Variants in DMD observed in about 807,000 individuals in gnomAD.
DMD encodes the protein dystrophin.
A neutral mutation model predicts 330.1 loss-of-function variants in DMD; 63 were observed. The ratio of observed to expected loss-of-function variants is 0.19; its 90% CI spans 0.16 to 0.24. DMD has a LOEUF of 0.24. DMD is among the 10% of genes least tolerant of loss of function. The probability of loss-of-function intolerance (pLI) is 1.00; values close to 1 mark genes in which losing one functional copy is unlikely to be tolerated. For synonymous variants in DMD, 1,223 were observed against 959.8 expected (o/e 1.27, Z -5.07); for missense variants, 3,344 against 2,684.1 (o/e 1.25, Z -5.43).
chrX:31,809,706 T>A (rs1603474726), intron 50 of DMD, among the ~76,000 whole-genome samples: 1 of 111,194 alleles, frequency 9.0e-6, no homozygotes, highest in South Asian at 3.8e-4. Context: ...CAAGACACAG[T>A]CAAGAATGAG....
chrX:31,125,687 C>A (rs957933940), intron 78 of DMD, among the ~76,000 whole-genome samples: 1 of 111,811 alleles, frequency 8.9e-6, no homozygotes, highest in Non-Finnish European at 1.9e-5. Context: ...ATTCGATATT[C>A]AGACAATATT....
chrX:33,275,373 C>T lies in DMD; in HGVS notation c.7+63886G>A, dbSNP rs777112808. Reference sequence around the variant, plus strand: ...GAACTTTAAGCCCTTTTAACTTTGGCTTTTCTCATCTGAAAAATGGGCAGA... The same window carrying T: ...GAACTTTAAGCCCTTTTAACTTTGGTTTTTCTCATCTGAAAAATGGGCAGA... On this transcript the variant is annotated intron_variant, in intron 1 of 17. Coordinates refer to the DMD transcript ENST00000288447. Among the ~76,000 whole-genome samples, 9 of 111,484 alleles carry T rather than the reference C, an allele frequency of 8.1e-5. No homozygotes were observed. In the South Asian group the frequency reaches 3.4e-3, roughly 42 times the overall value.
intron 7 of DMD, among the ~76,000 whole-genome samples, chrX:32,772,849 T>TG (rs1249656837): frequency 1.9e-5 from 2 of 103,661 alleles, no homozygotes; most frequent in East Asian, 2.8e-4. Context: ...TAAAATCGTT[T>TG]GGGGAAAATA....
chrX:31,452,922 T>C (rs369364447), intron 59 of DMD, among the ~76,000 whole-genome samples: 20 of 111,933 alleles, frequency 1.8e-4, no homozygotes, highest in East Asian at 8.4e-4. Context: ...GCAGGAGCAA[T>C]TGATATTTTG....
intron 11 of DMD, among the ~76,000 whole-genome samples, chrX:32,633,747 T>A (rs1023411329): frequency 4.5e-5 from 5 of 111,463 alleles, no homozygotes; most frequent in Non-Finnish European, 9.4e-5. Flanking sequence ...CTCAGGAAAC[T>A]TACAATTATG....
intron 2 of DMD, among the ~76,000 whole-genome samples, chrX:33,001,748 C>A (rs1051051591): frequency 9.0e-6 from 1 of 111,274 alleles, no homozygotes; most frequent in Non-Finnish European, 1.9e-5. Context: ...AGAAAGGTAT[C>A]ATTTGGTTTC....
Position 31,147,283 on chromosome X carries a change from G to T in DMD, c.10789C>A (p.Leu3597Met). The T allele has an allele frequency of 8.3e-7, 1 of 1,210,860 alleles. No individual in the cohort carries two copies. The highest frequency in any genetic ancestry group is 1.8e-5 in the South Asian group (1 of 56,953). ...CCCATCTCTCTCCTCACTTGCTCCA[G>T]CAGCTGCCTTAGCCTGTGTAACTGT... ...ESQLHRLRQL[L>M]EQPQAEAKVN... The change falls in exon 75 of 79, where the codon CTG becomes ATG. Residue 3597 changes from leucine to methionine, a missense_variant. By Grantham distance (15) the Leu-to-Met change is conservative. Transcript: ENST00000357033.
intron 1 of DMD, among the ~76,000 whole-genome samples, chrX:33,106,054 C>CACACACACACACA (rs10624675): frequency 2.6e-4 from 23 of 89,441 alleles, no homozygotes; most frequent in Admixed American, 7.0e-4. Flanking sequence ...GATACACACA[C>CACACACACACACA]CACACACACA....
At chrX:31,933,256 C>T (rs1164386274) in intron 45 of DMD, among the ~76,000 whole-genome samples, 3 of 111,832 alleles carry the variant, frequency 2.7e-5, no homozygotes, top group Non-Finnish European at 5.6e-5. Context: ...AGCAGTTCTG[C>T]TTTATGTGGC....
At chrX:33,181,959 A>G (rs1253774999) in intron 1 of DMD, among the ~76,000 whole-genome samples, 1 of 112,121 alleles carries the variant, frequency 8.9e-6, no homozygotes, top group Non-Finnish European at 1.9e-5. Context: ...CATCTGGCCA[A>G]GTATTTTTCC....
rs764455941 is a variant in DMD at position 32,570,002 on chromosome X, A to C, written c.1812+3528T>G. 3.8e-4 allele frequency among the ~76,000 whole-genome samples: 43 copies of C among 111,725 alleles called. 1 individual carries two copies. The highest frequency in any genetic ancestry group is 9.2e-3 in the Middle Eastern group (2 of 217). On this transcript the variant is annotated intron_variant, in intron 15 of 78. Transcript: ENST00000357033. ...CTGATGCCAAATCAGTTTAAAACTT[A>C]AATCAGTTTTGATTATAAAAAATAA...
intron 19 of DMD, among the ~76,000 whole-genome samples, chrX:32,501,276 G>A (rs1003580320): frequency 1.8e-5 from 2 of 111,770 alleles, no homozygotes; most frequent in Non-Finnish European, 3.8e-5. Flanking sequence ...TTTTAAATGA[G>A]AGGAAGTGAT....
At chrX:32,133,765 T>TC (rs752610359) in intron 44 of DMD, among the ~76,000 whole-genome samples, 1 of 111,343 alleles carries the variant, frequency 9.0e-6, no homozygotes, top group African/African-American at 3.3e-5. Context: ...CTATTTCTTA[T>TC]CACCCTGGTC....
intron 61 of DMD, among the ~76,000 whole-genome samples, chrX:31,325,953 T>TG (rs200027971): frequency 0.027 from 2,928 of 110,031 alleles, 104 homozygotes; most frequent in African/African-American, 0.091. Context: ...TTTCTAGTTT[T>TG]TTTTTTTTTT....
intron 1 of DMD, among the ~76,000 whole-genome samples, chrX:33,183,611 A>C (rs2050102200): frequency 9.0e-6 from 1 of 111,249 alleles, no homozygotes; most frequent in Non-Finnish European, 1.9e-5. Flanking sequence ...CCAGCCTCCC[A>C]ACTTCCTGCC....
At chrX:32,549,470 G>A (rs1433287865) in intron 16 of DMD, among the ~76,000 whole-genome samples, 3 of 110,798 alleles carry the variant, frequency 2.7e-5, no homozygotes, top group East Asian at 2.8e-4. Context: ...GTTTGCACTG[G>A]GCCCACAAAT....
chrX:31,536,988 C>A (rs1241472161), intron 55 of DMD, among the ~76,000 whole-genome samples: 1 of 111,234 alleles, frequency 9.0e-6, no homozygotes, highest in East Asian at 2.8e-4. Flanking sequence ...AGCCAAAAGT[C>A]TTAAAATAAT....
At chrX:32,514,585 C>G (rs2045664462) in intron 18 of DMD, among the ~76,000 whole-genome samples, 1 of 111,693 alleles carries the variant, frequency 9.0e-6, no homozygotes, top group Non-Finnish European at 1.9e-5. Context: ...ACTAAAAATA[C>G]AAAAACTTAG....
At chrX:32,406,446 A>T (rs778226061) in intron 30 of DMD, among the ~76,000 whole-genome samples, 1 of 110,674 alleles carries the variant, frequency 9.0e-6, no homozygotes, top group East Asian at 2.8e-4. Context: ...TAATTTATTG[A>T]GAATTTTTAG....
Sources: gnomAD v4.1 joint callset for allele counts (sites outside exome capture counted in the v4.1 genomes callset) on GRCh38, gnomAD v4.1.1 for gene constraint, MANE v1.5 for transcripts, NCBI Gene and HGNC (gene_info 2026-07-23, HGNC 2026-07-21) for gene names.